Variants in MRPS28 observed in about 807,000 individuals in gnomAD.
MRPS28 encodes the protein small ribosomal subunit protein bS1m.
A neutral mutation model predicts 10.8 loss-of-function variants in MRPS28; 7 were observed. The observed-to-expected ratio is 0.65, with a 90% confidence interval of 0.37 to 1.22. The LOEUF is 1.22. Ranked by LOEUF, MRPS28 falls within the 50% of genes most tolerant of loss-of-function variation. The pLI is 0.02. For missense variants in MRPS28, 265 were observed against 232.9 expected (o/e 1.14, Z -0.90); for synonymous variants, 121 against 93.3 (o/e 1.30, Z -1.71).
At chr8:79,972,517 T>C (rs1341527501) in intron 2 of MRPS28, among the ~76,000 whole-genome samples, 1 of 152,214 alleles carries the variant, frequency 6.6e-6, no homozygotes, top group Admixed American at 6.5e-5. Flanking sequence ...GGAATGGAAT[T>C]GCTGCATCAT....
chr8:79,983,032 G>A (rs1278083702), intron 2 of MRPS28, among the ~76,000 whole-genome samples: 3 of 147,830 alleles, frequency 2.0e-5, no homozygotes, highest in Non-Finnish European at 3.0e-5. Flanking sequence ...CCCAGTAGGG[G>A]CAGACTGACA....
chr8:79,958,829 T>C (rs1807297032), intron 2 of MRPS28, among the ~76,000 whole-genome samples: 1 of 152,120 alleles, frequency 6.6e-6, no homozygotes, highest in Non-Finnish European at 1.5e-5. Context: ...TATATAAAAA[T>C]TAGTTTGGAT....
At chr8:79,985,749 A>G (rs886447536) in intron 2 of MRPS28, among the ~76,000 whole-genome samples, 10 of 152,240 alleles carry the variant, frequency 6.6e-5, no homozygotes, top group Middle Eastern at 3.2e-3. Context: ...CTCTGAATAG[A>G]CCAATAACAG....
At chr8:79,959,812 T>TA (rs1026145591) in intron 2 of MRPS28, among the ~76,000 whole-genome samples, 4 of 152,118 alleles carry the variant, frequency 2.6e-5, no homozygotes, top group East Asian at 1.9e-4. Flanking sequence ...TATATATGTT[T>TA]AAAAAACACT....
intron 1 of MRPS28, among the ~76,000 whole-genome samples, chr8:80,024,495 C>T (rs79101467): frequency 6.6e-6 from 1 of 152,230 alleles, no homozygotes; most frequent in South Asian, 2.1e-4. Context: ...AAATTCCTGG[C>T]TGCAGGGGAA....
At chr8:80,013,214 T>C (rs1809101117) in intron 1 of MRPS28, among the ~76,000 whole-genome samples, 1 of 152,194 alleles carries the variant, frequency 6.6e-6, no homozygotes, top group Non-Finnish European at 1.5e-5. Context: ...TGGATAACTA[T>C]AAATTTTCTT....
intron 2 of MRPS28, among the ~76,000 whole-genome samples, chr8:79,985,954 C>G (rs1203527092): frequency 6.6e-6 from 1 of 152,104 alleles, no homozygotes; most frequent in East Asian, 1.9e-4. Flanking sequence ...GATACCAAAG[C>G]CTGGCAGAGA....
intron 2 of MRPS28, among the ~76,000 whole-genome samples, chr8:79,971,366 A>G (rs939930310): frequency 2.0e-5 from 3 of 152,164 alleles, no homozygotes; most frequent in African/African-American, 7.2e-5. Context: ...ATGTGCTACA[A>G]TTCACTAACT....
At chr8:79,940,141 T>C (rs1423137293) in intron 2 of MRPS28, among the ~76,000 whole-genome samples, 1 of 152,146 alleles carries the variant, frequency 6.6e-6, no homozygotes, top group East Asian at 1.9e-4. Flanking sequence ...ATATTAGGGG[T>C]AAGATTAATG....
intron 2 of MRPS28, among the ~76,000 whole-genome samples, chr8:79,971,778 A>T (rs959353627): frequency 2.6e-5 from 4 of 152,016 alleles, no homozygotes; most frequent in Admixed American, 2.6e-4. Flanking sequence ...GCTCACTGAA[A>T]CCTCTGTCTC....
At chr8:80,009,207 A>G (rs1176301327) in intron 1 of MRPS28, among the ~76,000 whole-genome samples, 1 of 152,146 alleles carries the variant, frequency 6.6e-6, no homozygotes, top group Non-Finnish European at 1.5e-5. Flanking sequence ...GTTCTTACTC[A>G]TAGGTGGGAA....
At chr8:80,004,656 GAGA>G (rs1302751662) in intron 1 of MRPS28, among the ~76,000 whole-genome samples, 2 of 152,214 alleles carry the variant, frequency 1.3e-5, no homozygotes, top group African/African-American at 2.4e-5. Context: ...GATGACTTGA[GAGA>G]AGAAGGCTTC....
intron 2 of MRPS28, among the ~76,000 whole-genome samples, chr8:79,949,513 C>A (rs1422701480): frequency 1.3e-5 from 2 of 151,804 alleles, no homozygotes; most frequent in Non-Finnish European, 1.5e-5. Context: ...CAGGATGATT[C>A]CCATTAAGCA....
chr8:79,981,644 T>G lies in MRPS28; in HGVS notation c.395+21355A>C, dbSNP rs114852101. Reference sequence around the variant, plus strand: ...AGTAAAAATGCTGAGTCTGAAAATATGTACGTTTACAGCAATATATTTTGG... The same window carrying G: ...AGTAAAAATGCTGAGTCTGAAAATAGGTACGTTTACAGCAATATATTTTGG... On this transcript the variant is annotated intron_variant, in intron 2 of 2. Transcript: ENST00000276585. 6.2e-3 allele frequency among the ~76,000 whole-genome samples: 943 copies of G among 152,308 alleles called. 13 individuals are homozygous for G. Among genetic ancestry groups the G allele is most frequent in the African/African-American group, 0.021 (869 of 41,550 alleles).
intron 2 of MRPS28, among the ~76,000 whole-genome samples, chr8:79,926,689 T>A (rs1810242368): frequency 6.6e-6 from 1 of 152,150 alleles, no homozygotes; most frequent in Non-Finnish European, 1.5e-5. Context: ...GTTTGGGGAT[T>A]TGGGGCAGAG....
At chr8:79,971,632 A>G (rs1807636587) in intron 2 of MRPS28, among the ~76,000 whole-genome samples, 1 of 152,214 alleles carries the variant, frequency 6.6e-6, no homozygotes, top group Admixed American at 6.5e-5. Flanking sequence ...CTTTGTGACC[A>G]GCTTCTTTCA....
intron 1 of MRPS28, chr8:80,029,617 T>C: frequency 1.6e-6 from 1 of 611,106 alleles, no homozygotes. Context: ...AAGGGCCTTC[T>C]ACTCCAGACA....
chr8:79,990,238 C>T (rs1808321147), intron 2 of MRPS28, among the ~76,000 whole-genome samples: 1 of 152,124 alleles, frequency 6.6e-6, no homozygotes, highest in South Asian at 2.1e-4. Context: ...TTCTCTACCC[C>T]ACTTCCCTAC....
At chr8:79,982,446 C>A (rs986450952) in intron 2 of MRPS28, among the ~76,000 whole-genome samples, 2 of 152,172 alleles carry the variant, frequency 1.3e-5, no homozygotes, top group Admixed American at 1.3e-4. Flanking sequence ...GTGCGTGAGC[C>A]GAAGCAGGGC....
Sources: gnomAD v4.1 joint callset for allele counts (sites outside exome capture counted in the v4.1 genomes callset) on GRCh38, gnomAD v4.1.1 for gene constraint, MANE v1.5 for transcripts, NCBI Gene and HGNC (gene_info 2026-07-23, HGNC 2026-07-21) for gene names.